Variants in RSPH10B observed in about 807,000 individuals in gnomAD.
RSPH10B encodes the protein radial spoke head 10 homolog B, also known as radial spoke head 10 homolog B (Chlamydomonas).
RSPH10B carries 7 observed loss-of-function variants against 52.5 expected under a neutral mutation model. The observed-to-expected ratio is 0.13, with a 90% CI of 0.08 to 0.25. RSPH10B has a LOEUF of 0.25. Among genes scored for constraint, RSPH10B ranks in the 10% least tolerant of loss-of-function variants. The pLI is 1.00. For synonymous variants in RSPH10B, 28 were observed against 193.2 expected, an observed-to-expected ratio of 0.14 and a Z score of 7.09; for missense variants, 89 against 542.5, an observed-to-expected ratio of 0.16 and a Z score of 8.30.
intron 3 of RSPH10B, among the ~76,000 whole-genome samples, chr7:5,963,954 C>G (rs1156277854): frequency 6.6e-6 from 1 of 150,468 alleles, no homozygotes; most frequent in Non-Finnish European, 1.5e-5. Context: ...GCGGAGCACA[C>G]CTCTAGTCAC....
exon 13 of RSPH10B, chr7:5,943,324 T>G (rs1230561527): frequency 6.5e-7 from 1 of 1,541,578 alleles, no homozygotes; most frequent in Non-Finnish European, 8.7e-7. Flanking sequence ...AGGTGGTTAC[T>G]TTCAGCATCC....
chr7:5,933,472 G>A (rs28646107), intron 16 of RSPH10B, among the ~76,000 whole-genome samples: 84,207 of 124,294 alleles, frequency 0.68, 26,927 homozygotes, highest in East Asian at 0.86. Flanking sequence ...TAAAATTAAC[G>A]ATACCGGCTA....
intron 13 of RSPH10B, among the ~76,000 whole-genome samples, chr7:5,940,070 G>A (rs1168202865): frequency 5.4e-5 from 7 of 128,888 alleles, no homozygotes; most frequent in African/African-American, 1.9e-4. Context: ...GGTGGCGTGT[G>A]CCTGTAGTCC....
chr7:5,943,664 C>T (rs1448394982), intron 12 of RSPH10B, among the ~76,000 whole-genome samples, 192 bp from the exon 15 acceptor site: 3 of 148,436 alleles, frequency 2.0e-5, no homozygotes, highest in Non-Finnish European at 4.5e-5. Flanking sequence ...CTGCCTCAGC[C>T]TCCCGAGTAG....
intron 7 of RSPH10B, among the ~76,000 whole-genome samples, chr7:5,955,487 G>A (rs1780721801): frequency 5.9e-4 from 1 of 1,694 alleles, no homozygotes; most frequent in Admixed American, 4.2e-3. Context: ...GGTGGCTCAC[G>A]CCTGTAATCC....
chr7:5,927,076 G>GTGTT (rs1554284575), intron 18 of RSPH10B, among the ~76,000 whole-genome samples: 9 of 131,608 alleles, frequency 6.8e-5, no homozygotes, highest in Non-Finnish European at 1.5e-4. Flanking sequence ...GTATATGTGT[G>GTGTT]TGTGTGTGTG....
At chr7:5,943,211 A>G in intron 13 of RSPH10B, 113 bp downstream of exon 15, 3 of 1,545,014 alleles carry the variant, frequency 1.9e-6, no homozygotes, top group Admixed American at 4.0e-5. Flanking sequence ...CTGAAAATCC[A>G]GCCCAGATCT....
intron 13 of RSPH10B, among the ~76,000 whole-genome samples, chr7:5,940,946 ATTATTATT>A (rs1562565256): frequency 1.4e-3 from 76 of 55,520 alleles, no homozygotes; most frequent in Middle Eastern, 0.012. Flanking sequence ...AATAATAATT[ATTATTATT>A]ATTATTATTA....
At chr7:5,943,625 C>T (rs1780326447) in intron 12 of RSPH10B, among the ~76,000 whole-genome samples, 153 bp from the exon 15 acceptor site, 3 of 147,394 alleles carry the variant, frequency 2.0e-5, no homozygotes, top group Admixed American at 6.9e-5. Context: ...CTCGCTGCAA[C>T]CTCCGCCCCC....
chr7:5,956,847 C>A (rs1368970750), intron 6 of RSPH10B, among the ~76,000 whole-genome samples: 2 of 96,512 alleles, frequency 2.1e-5, no homozygotes, highest in Non-Finnish European at 4.5e-5. Flanking sequence ...CACGTGTGAG[C>A]CACTGAGCCC....
upstream of RSPH10B, among the ~76,000 whole-genome samples, chr7:5,968,049 AG>A (rs1205256259): frequency 6.6e-6 from 1 of 152,116 alleles, no homozygotes; most frequent in African/African-American, 2.4e-5. Flanking sequence ...CACATGAAAT[AG>A]GCTACTTCAC....
chr7:5,927,047 ATTATGTGTGTGTGTGTGTGTATATG>A (rs1562553014), intron 18 of RSPH10B, among the ~76,000 whole-genome samples: 8 of 51,488 alleles, frequency 1.6e-4, no homozygotes, highest in Non-Finnish European at 2.3e-4. Context: ...GTGTGTGTGT[ATTATGTGTGTGTGTGTGTGTATATG>A]TGTGTGTGTG....
At chr7:5,933,088 G>GCT (rs1779856129) in intron 16 of RSPH10B, among the ~76,000 whole-genome samples, 1 of 73,888 alleles carries the variant, frequency 1.4e-5, no homozygotes, top group South Asian at 3.8e-4. Context: ...CGCGATCTCG[G>GCT]CTCACTGCAG....
chr7:5,938,384 G>A lies in RSPH10B; in HGVS notation c.1866+338C>T, dbSNP rs1237245597. Among the ~76,000 whole-genome samples, 339 of 123,450 alleles carry A rather than the reference G, an allele frequency of 2.7e-3. 1 individual carries two copies. Among genetic ancestry groups the A allele is most frequent in the African/African-American group, 9.3e-3 (325 of 34,922 alleles). 81.0% of individuals were successfully genotyped at this position (123,450 alleles called of 152,430 possible). ...AGATCAAGACCATCCTGGCTAACAC[G>A]GTGAAACTCCGTCTCTACTAAAAAA... On this transcript the variant is annotated intron_variant, in intron 14 of 18. Coordinates refer to ENST00000337579, the Ensembl canonical transcript of RSPH10B.
Position 5,941,586 on chromosome 7 carries a change from A to T in RSPH10B, c.1758+1738T>A, listed in dbSNP as rs546792122. ...AGTGAAACCCTGTCTCTACTAAAAA[A>T]TACAAAAATTAACTTGGCATGGTCA... is the stretch of plus-strand genomic sequence containing the variant. On this transcript the variant is annotated intron_variant, in intron 13 of 18. Transcript: ENST00000337579. Among the ~76,000 whole-genome samples the T allele has an allele frequency of 1.4e-3, 203 of 149,356 alleles. 10 individuals are homozygous for T. The highest frequency in any genetic ancestry group is 6.8e-3 in the Middle Eastern group (2 of 292).
At chr7:5,940,160 G>A (rs62454674) in intron 13 of RSPH10B, among the ~76,000 whole-genome samples, 16,108 of 101,446 alleles carry the variant, frequency 0.16, 1,643 homozygotes, top group Admixed American at 0.27. Flanking sequence ...TCGTGCCACC[G>A]CACTCCAGCC....
At chr7:5,965,936 A>AT (rs1302684257) in intron 1 of RSPH10B, among the ~76,000 whole-genome samples, 1 of 113,362 alleles carries the variant, frequency 8.8e-6, no homozygotes, top group South Asian at 3.2e-4. Flanking sequence ...TTTTTTGGGG[A>AT]TTTTTTTTGA....
chr7:5,954,764 TTC>T (rs1258113003), intron 7 of RSPH10B, among the ~76,000 whole-genome samples: 2 of 39,808 alleles, frequency 5.0e-5, no homozygotes, highest in South Asian at 1.7e-3. Context: ...CGACACTAGA[TTC>T]TCTGTTACTT....
chr7:5,953,434 ATGT>A (rs1427430270), intron 7 of RSPH10B: 2 of 48,552 alleles, frequency 4.1e-5, no homozygotes, highest in African/African-American at 1.4e-4. Context: ...TGGCAGGCAC[ATGT>A]AATCCCAGTT....
Sources: gnomAD v4.1 joint callset for allele counts (sites outside exome capture counted in the v4.1 genomes callset) on GRCh38, gnomAD v4.1.1 for gene constraint, MANE v1.5 for transcripts, NCBI Gene and HGNC (gene_info 2026-07-23, HGNC 2026-07-21) for gene names.